ALPK2: variants seen among roughly 807,000 people sequenced by gnomAD.
ALPK2 encodes alpha-protein kinase 2.
ALPK2 carries 127 observed loss-of-function variants against 163.1 expected under a neutral mutation model. The observed-to-expected ratio is 0.78, with a 90% confidence interval of 0.67 to 0.90. The LOEUF is 0.90. Among genes scored for constraint, ALPK2 ranks in the 40% least tolerant of loss-of-function variants. The probability of loss-of-function intolerance (pLI) is 0.00; values close to 1 mark genes in which losing one functional copy is unlikely to be tolerated. For synonymous variants in ALPK2, 953 were observed against 959.1 expected (o/e 0.99, Z 0.12); for missense variants, 2,360 against 2,589.6 (o/e 0.91, Z 1.92).
rs537440600 is a variant in ALPK2, at chr18:58,526,971, A to G, written c.5501+2120T>C. Among the ~76,000 whole-genome samples, 20 of 152,246 alleles carry G rather than the reference A, an allele frequency of 1.3e-4. No homozygotes were observed. In the South Asian group the frequency reaches 4.1e-3, roughly 32 times the overall value. On this transcript the variant is annotated intron_variant, in intron 6 of 12. Coordinates refer to ENST00000361673, the MANE Select transcript of ALPK2 (RefSeq NM_052947.4). ...TAGGTTTCTGTGCAGTAGAAAAGAT[A>G]ACTCCCAAAGTTTATTACCTGTCAA...
intron 1 of ALPK2, among the ~76,000 whole-genome samples, chr18:58,627,391 C>T (rs968329974): frequency 6.6e-6 from 1 of 152,176 alleles, no homozygotes; most frequent in Non-Finnish European, 1.5e-5. Flanking sequence ...GAGGCCGAGG[C>T]GGGTGGATCA....
intron 10 of ALPK2, among the ~76,000 whole-genome samples, chr18:58,510,698 G>A (rs1215155335): frequency 6.6e-6 from 1 of 152,052 alleles, no homozygotes; most frequent in Non-Finnish European, 1.5e-5. Flanking sequence ...TCTGTTATTG[G>A]TGTATAAGAA....
chr18:58,500,322 C>T (rs2051425222), intron 11 of ALPK2, among the ~76,000 whole-genome samples: 1 of 151,594 alleles, frequency 6.6e-6, no homozygotes, highest in Non-Finnish European at 1.5e-5. Flanking sequence ...AAAATTACAG[C>T]TCTAAGCCGT....
At position 58,536,410 on chromosome 18, in the gene ALPK2, G is replaced by C; in HGVS notation, c.3777C>G (p.Ser1259Arg). The C allele has an allele frequency of 6.2e-7, 1 of 1,614,148 alleles. No homozygotes were observed. The highest frequency in any genetic ancestry group is 8.5e-7 in the Non-Finnish European group (1 of 1,180,018). The part of the protein sequence containing the change: ...WPPRQLTNSE[S>R]KASDGGLIIP... ...TTATGAGACCACCGTCTGATGCCTT[G>C]CTCTCAGAATTTGTCAGTTGTCGTG... The change falls in exon 5 of 13, where the codon AGC becomes AGG. Residue 1259 changes from serine to arginine, a missense_variant. By Grantham distance (110) the Ser-to-Arg change is moderately radical (BLOSUM62 -1). Coordinates refer to ENST00000361673, the MANE Select transcript of ALPK2 (RefSeq NM_052947.4).
chr18:58,482,123 C>G, intron 12 of ALPK2, 84 bp from the exon 13 acceptor site: 1 of 970,412 alleles, frequency 1.0e-6, no homozygotes, highest in Admixed American at 1.9e-5. Flanking sequence ...AAAGGGAAAA[C>G]TAATGGTGCA....
intron 4 of ALPK2, among the ~76,000 whole-genome samples, chr18:58,547,365 G>T (rs1164472374): frequency 6.6e-6 from 1 of 152,188 alleles, no homozygotes; most frequent in African/African-American, 2.4e-5. Context: ...CCAGAGAGGG[G>T]CAGGAAAGAG....
intron 12 of ALPK2, 52 bp downstream of exon 12, chr18:58,497,997 G>C (rs1276762129): frequency 7.1e-6 from 11 of 1,550,792 alleles, no homozygotes; most frequent in Non-Finnish European, 9.8e-6. Flanking sequence ...TGCCTGGAAG[G>C]TGTCTGTAAG....
At chr18:58,599,915 G>T (rs753482314) in intron 3 of ALPK2, among the ~76,000 whole-genome samples, 1 of 151,918 alleles carries the variant, frequency 6.6e-6, no homozygotes, top group African/African-American at 2.4e-5. Flanking sequence ...ATCTTTGGAC[G>T]CTGGCTGTCA....
intron 8 of ALPK2, among the ~76,000 whole-genome samples, chr18:58,521,490 AAC>A (rs1312714666): frequency 1.3e-5 from 2 of 152,124 alleles, no homozygotes; most frequent in African/African-American, 4.8e-5. Flanking sequence ...TTTAAATTAT[AAC>A]ACATGTATGC....
chr18:58,604,270 G>A (rs1311659127), intron 3 of ALPK2, among the ~76,000 whole-genome samples: 1 of 152,052 alleles, frequency 6.6e-6, no homozygotes. Context: ...AGGGGTTGAC[G>A]GTATATAGCA....
At chr18:58,622,235 C>T (rs1213995645) in intron 1 of ALPK2, among the ~76,000 whole-genome samples, 4 of 151,948 alleles carry the variant, frequency 2.6e-5, no homozygotes, top group African/African-American at 4.8e-5. Context: ...TAATCCCAGC[C>T]ACTTGGGAGG....
intron 3 of ALPK2, among the ~76,000 whole-genome samples, chr18:58,586,833 T>C (rs574574287): frequency 6.6e-6 from 1 of 151,464 alleles, no homozygotes; most frequent in East Asian, 1.9e-4. Flanking sequence ...GGTTAAACAA[T>C]AGGGTAACCA....
intron 3 of ALPK2, 92 bp from the exon 4 acceptor site, chr18:58,580,640 A>G (rs2051953954): frequency 8.7e-7 from 1 of 1,152,362 alleles, no homozygotes; most frequent in Non-Finnish European, 1.2e-6. Context: ...AATGACCATC[A>G]TTTTACTGCA....
chr18:58,585,232 A>G lies in ALPK2; in HGVS notation c.228-4684T>C, dbSNP rs1050051063. On this transcript the variant is annotated intron_variant, in intron 3 of 12. Transcript: ENST00000361673. The stretch of plus-strand genomic sequence containing the variant: ...AGGACTTCAAAGAACTTTTGTTTAT[A>G]TGGGTTATATCTGTCAATATTTACC... 2.6e-5 allele frequency among the ~76,000 whole-genome samples: 4 copies of G among 152,240 alleles called. No individual in the cohort carries two copies. In the South Asian group the frequency reaches 6.2e-4, roughly 24 times the overall value.
intron 12 of ALPK2, among the ~76,000 whole-genome samples, chr18:58,486,399 T>C (rs538419889): frequency 1.3e-5 from 2 of 152,280 alleles, no homozygotes; most frequent in Non-Finnish European, 2.9e-5. Context: ...TCTTGAGAAC[T>C]AGACACCCCT....
At chr18:58,569,570 T>C (rs1568088176) in intron 4 of ALPK2, among the ~76,000 whole-genome samples, 1 of 152,170 alleles carries the variant, frequency 6.6e-6, no homozygotes, top group African/African-American at 2.4e-5. Flanking sequence ...TCTAACCAGC[T>C]GGTCCGCGGA....
At chr18:58,515,465 G>T (rs1273153495) in intron 9 of ALPK2, among the ~76,000 whole-genome samples, 2 of 152,224 alleles carry the variant, frequency 1.3e-5, no homozygotes, top group African/African-American at 4.8e-5. Flanking sequence ...CCTTTTCAAA[G>T]GTGTAATTGG....
intron 12 of ALPK2, among the ~76,000 whole-genome samples, chr18:58,484,733 A>T (rs2051329752): frequency 6.7e-6 from 1 of 149,408 alleles, no homozygotes; most frequent in Non-Finnish European, 1.5e-5. Context: ...ACAGAGCGAG[A>T]CTTCGTCTCA....
rs754560674 is a variant in ALPK2, at chr18:58,536,599, C to A, written c.3588G>T (p.Val1196=). ...RSGWGTRVSV[V]AETAGEEDSQ... ...TGTCTTCTTCCCCAGCAGTTTCAGC[C>A]ACCACGGAGACCCTCGTCCCCCAAC... Residue 1196 remains valine (V), a synonymous_variant, in exon 5 of 13, where the codon GTG becomes GTT. Coordinates refer to ENST00000361673, the MANE Select transcript of ALPK2 (RefSeq NM_052947.4). 6.2e-7 allele frequency: 1 copy of A among 1,614,164 alleles called. No individual in the cohort carries two copies. Among genetic ancestry groups the A allele is most frequent in the Non-Finnish European group, 8.5e-7 (1 of 1,180,016 alleles).
Sources: allele counts gnomAD v4.1 joint callset (sites outside exome capture counted in the v4.1 genomes callset), GRCh38; gene constraint gnomAD v4.1.1; transcripts MANE v1.5; gene names NCBI Gene and HGNC (gene_info 2026-07-23, HGNC 2026-07-21).